Variants in NRCAM observed in about 807,000 individuals in gnomAD.
The protein encoded by NRCAM is NgCAM-related cell adhesion molecule.
Under a neutral mutation model 156.5 loss-of-function variants are expected in NRCAM, and 83 were observed. The ratio of observed to expected loss-of-function variants is 0.53; its 90% CI spans 0.44 to 0.64. NRCAM has a LOEUF of 0.64. Ranked by LOEUF, NRCAM falls within the 30% of genes least tolerant of loss-of-function variation. The pLI is 0.00. For missense variants in NRCAM, 1,417 were observed against 1,597.3 expected (o/e 0.89, Z 1.92); for synonymous variants, 538 against 563.9 (o/e 0.95, Z 0.65).
chr7:108,299,950 G>A (rs981845721), intron 3 of NRCAM, among the ~76,000 whole-genome samples: 1 of 152,128 alleles, frequency 6.6e-6, no homozygotes, highest in Non-Finnish European at 1.5e-5. Flanking sequence ...TATAAAATGA[G>A]TATAAATAAC....
intron 1 of NRCAM, among the ~76,000 whole-genome samples, chr7:108,453,694 CAAGACTAT>C (rs1853183530): frequency 6.6e-6 from 1 of 152,128 alleles, no homozygotes; most frequent in African/African-American, 2.4e-5. Context: ...AAGGTTGAAA[CAAGACTAT>C]GAGTCAGTAG....
intron 1 of NRCAM, among the ~76,000 whole-genome samples, chr7:108,445,849 C>A (rs1259980653): frequency 3.3e-5 from 5 of 152,154 alleles, no homozygotes; most frequent in Non-Finnish European, 7.4e-5. Flanking sequence ...TTACGAAAGG[C>A]CATGCTGTAG....
At chr7:108,277,378 A>G (rs182260443) in intron 3 of NRCAM, among the ~76,000 whole-genome samples, 5 of 152,044 alleles carry the variant, frequency 3.3e-5, no homozygotes, top group African/African-American at 1.2e-4. Flanking sequence ...ATACCAATCA[A>G]ATGTAGATTT....
At chr7:108,360,732 T>C (rs1159450876) in intron 2 of NRCAM, among the ~76,000 whole-genome samples, 1 of 152,124 alleles carries the variant, frequency 6.6e-6, no homozygotes, top group East Asian at 1.9e-4. Flanking sequence ...GTCAGGACAA[T>C]TCAATGAAGA....
At chr7:108,203,461 T>TA (rs957361266) in intron 13 of NRCAM, among the ~76,000 whole-genome samples, 23 of 151,250 alleles carry the variant, frequency 1.5e-4, no homozygotes, top group East Asian at 7.8e-4. Context: ...TTTTTTTTTT[T>TA]AAAACAACAG....
In NRCAM at chr7:108,184,489, C is replaced by G. The variant is rs142740512; in HGVS notation, c.2161G>C (p.Val721Leu). The change falls in exon 21 of 33, where the codon GTG becomes CTG. Residue 721 changes from valine (V) to leucine (L), a missense_variant. Physicochemically the swap from Val to Leu is conservative, Grantham distance 32. This residue lies in a region of NRCAM where 1,238 missense variants were observed against 1,336.4 expected (regional missense o/e 0.93). Transcript: ENST00000379028. ...LSPYVNYSFR[V>L]MAVNSIGKSL... is the part of the protein sequence containing the mutation. ...TTCCCAATGCTGTTCACTGCCATCA[C>G]GCGGAAGGAGTAGTTCACGTAAGGA... 9 of 1,614,200 alleles carry G rather than the reference C, an allele frequency of 5.6e-6. No individual in the cohort carries two copies. Among genetic ancestry groups the G allele is most frequent in the Non-Finnish European group, 7.6e-6 (9 of 1,180,044 alleles).
intron 1 of NRCAM, among the ~76,000 whole-genome samples, chr7:108,447,262 T>TC: frequency 8.3e-6 from 1 of 119,966 alleles, no homozygotes; most frequent in East Asian, 2.3e-4. Flanking sequence ...CTTCTTTCTT[T>TC]TTTTTTTTTT....
chr7:108,344,285 C>A (rs1474703628), intron 2 of NRCAM, among the ~76,000 whole-genome samples: 1 of 152,126 alleles, frequency 6.6e-6, no homozygotes, highest in East Asian at 1.9e-4. Flanking sequence ...CCCGACCAAT[C>A]AGGTAGTAAA....
At chr7:108,307,286 C>T (rs561806746) in intron 3 of NRCAM, among the ~76,000 whole-genome samples, 12 of 152,170 alleles carry the variant, frequency 7.9e-5, no homozygotes, top group Non-Finnish European at 1.5e-4. Context: ...TTAATCAACA[C>T]ATTCAAGGAA....
chr7:108,215,252 A>G (rs2087437991), intron 11 of NRCAM, among the ~76,000 whole-genome samples: 1 of 137,440 alleles, frequency 7.3e-6, no homozygotes, highest in African/African-American at 2.8e-5. Context: ...TTGCTCTGTC[A>G]CCCAGGCTGG....
At chr7:108,322,276 A>G (rs1266754530) in intron 2 of NRCAM, among the ~76,000 whole-genome samples, 1 of 152,188 alleles carries the variant, frequency 6.6e-6, no homozygotes, top group Non-Finnish European at 1.5e-5. Flanking sequence ...ATATTTCCTC[A>G]CAACTTCCTG....
intron 3 of NRCAM, among the ~76,000 whole-genome samples, chr7:108,255,216 A>G (rs2096574205): frequency 7.9e-6 from 1 of 126,466 alleles, no homozygotes; most frequent in Admixed American, 8.9e-5. Flanking sequence ...TCTGATGCGG[A>G]GCAGAGGCTG....
At chr7:108,160,294 C>T in intron 31 of NRCAM, 67 bp downstream of exon 31, 1 of 1,445,466 alleles carries the variant, frequency 6.9e-7, no homozygotes, top group African/African-American at 1.4e-5. Flanking sequence ...TGATTTCCCC[C>T]ATGATCTTTT....
chr7:108,184,351 T>G (rs1219943582), intron 21 of NRCAM, 40 bp from the exon 22 acceptor site: 1 of 1,613,722 alleles, frequency 6.2e-7, no homozygotes, highest in Admixed American at 1.7e-5. Flanking sequence ...GCTTTGGCCT[T>G]TTGCGAAGAG....
chr7:108,383,900 A>G (rs2099720048), intron 2 of NRCAM, among the ~76,000 whole-genome samples: 1 of 151,988 alleles, frequency 6.6e-6, no homozygotes, highest in African/African-American at 2.4e-5. Context: ...GACCATCATG[A>G]TAACATACCA....
At chr7:108,152,171 T>C (rs1469945034) in intron 32 of NRCAM, among the ~76,000 whole-genome samples, 1 of 152,058 alleles carries the variant, frequency 6.6e-6, no homozygotes, top group African/African-American at 2.4e-5. Context: ...CTATGCAAAG[T>C]ATAGAGCTGA....
chr7:108,195,002 G>A lies in NRCAM; in HGVS notation c.1464-574C>T, dbSNP rs910963413. Among the ~76,000 whole-genome samples, 13 of 152,316 alleles carry A rather than the reference G, an allele frequency of 8.5e-5. No individual in the cohort carries two copies. In the East Asian group the frequency reaches 2.5e-3, roughly 29 times the overall value. On this transcript the variant is annotated intron_variant, in intron 15 of 32. Transcript: ENST00000379028. ...CATGGGAGAGCTTGGCTGGATCCAA[G>A]TCAGGAAGACCTGGTGCAACAAGTA...
chr7:108,399,806 T>C (rs1470438998), intron 1 of NRCAM, among the ~76,000 whole-genome samples: 2 of 152,106 alleles, frequency 1.3e-5, no homozygotes, highest in East Asian at 1.9e-4. Context: ...GTAATGAAAA[T>C]AGGTAACATA....
chr7:108,168,232 A>C, intron 29 of NRCAM, 45 bp downstream of exon 29: 1 of 1,468,946 alleles, frequency 6.8e-7, no homozygotes, highest in South Asian at 1.5e-5. Flanking sequence ...CTTTTAAAAA[A>C]TGCATCCCCC....
Sources: allele counts gnomAD v4.1 joint callset (sites outside exome capture counted in the v4.1 genomes callset), GRCh38; gene constraint gnomAD v4.1.1; regional missense constraint gnomAD v4.1.1; transcripts MANE v1.5; gene names NCBI Gene and HGNC (gene_info 2026-07-23, HGNC 2026-07-21).